Variants in ARL6 observed in about 807,000 individuals in gnomAD.
ARL6 encodes ADP-ribosylation factor-like protein 6.
A neutral mutation model predicts 27.1 loss-of-function variants in ARL6; 18 were observed. That is an observed-to-expected ratio of 0.66 (90% CI 0.46 to 0.98). ARL6 has a LOEUF of 0.98. Ranked by LOEUF, ARL6 falls within the 50% of genes least tolerant of loss-of-function variation. ARL6 has a pLI of 0.00. For missense variants in ARL6, 187 were observed against 214.9 expected (o/e 0.87, Z 0.81); for synonymous variants, 65 against 72.3 (o/e 0.90, Z 0.51).
intron 4 of ARL6, among the ~76,000 whole-genome samples, chr3:97,782,791 ATATT>A (rs1414918262): frequency 2.6e-5 from 4 of 151,266 alleles, no homozygotes; most frequent in African/African-American, 9.7e-5. Context: ...GTTACTATAA[ATATT>A]TATCTTTGCT....
At chr3:97,778,238 G>A (rs954525078) in intron 2 of ARL6, among the ~76,000 whole-genome samples, 4 of 152,040 alleles carry the variant, frequency 2.6e-5, no homozygotes, top group Non-Finnish European at 4.4e-5. Context: ...TATGAGGCAG[G>A]AATCTTAGTG....
intron 7 of ARL6, among the ~76,000 whole-genome samples, chr3:97,797,543 T>C (rs1162001592): frequency 1.3e-5 from 2 of 152,100 alleles, no homozygotes; most frequent in Non-Finnish European, 1.5e-5. Context: ...TCATATTACA[T>C]TGAAGGAAAT....
At chr3:97,795,782 T>G (rs2037971331) in intron 7 of ARL6, among the ~76,000 whole-genome samples, 1 of 152,162 alleles carries the variant, frequency 6.6e-6, no homozygotes, top group South Asian at 2.1e-4. Context: ...AATTGAAGGT[T>G]TATTCTCTGC....
intron 7 of ARL6, among the ~76,000 whole-genome samples, chr3:97,795,144 C>T (rs775917409): frequency 2.6e-5 from 4 of 152,142 alleles, no homozygotes; most frequent in African/African-American, 4.8e-5. Flanking sequence ...CATGTAATGG[C>T]ACGATTCTGT....
At chr3:97,792,302 G>A (rs1301279273) in intron 7 of ARL6, among the ~76,000 whole-genome samples, 1 of 152,166 alleles carries the variant, frequency 6.6e-6, no homozygotes, top group African/African-American at 2.4e-5. Flanking sequence ...GGCCAACATG[G>A]TGAAACCCTG....
intron 5 of ARL6, 124 bp from the exon 6 acceptor site, chr3:97,787,866 T>A (rs2037532938): frequency 1.0e-6 from 1 of 955,482 alleles, no homozygotes; most frequent in African/African-American, 1.6e-5. Flanking sequence ...CTTTAAATGT[T>A]TCTGTGTGTG....
chr3:97,786,613 T>TA (rs1461507424), intron 5 of ARL6, among the ~76,000 whole-genome samples: 9 of 152,080 alleles, frequency 5.9e-5, no homozygotes, highest in East Asian at 1.9e-4. Context: ...ATGAACTTTT[T>TA]AAAAAAATTG....
At chr3:97,774,982 G>A (rs550165171) in intron 2 of ARL6, among the ~76,000 whole-genome samples, 6 of 152,210 alleles carry the variant, frequency 3.9e-5, no homozygotes, top group East Asian at 1.9e-4. Flanking sequence ...ACTACTTACC[G>A]CTCACGAGCA....
chr3:97,796,683 A>G (rs1200925534), intron 7 of ARL6, among the ~76,000 whole-genome samples: 6 of 152,164 alleles, frequency 3.9e-5, no homozygotes. Flanking sequence ...TGCTGCAAAC[A>G]GTGGAAGATT....
chr3:97,780,738 T>C (rs1006463087), intron 4 of ARL6, 55 bp downstream of exon 4: 5 of 1,365,682 alleles, frequency 3.7e-6, no homozygotes, highest in Non-Finnish European at 5.2e-6. Flanking sequence ...ATAATAATGA[T>C]TAGAAATCCA....
chr3:97,785,172 A>C, intron 5 of ARL6, 123 bp downstream of exon 5: 1 of 675,752 alleles, frequency 1.5e-6, no homozygotes, highest in South Asian at 2.1e-5. Context: ...AATTTAAAAC[A>C]TATATGTTAT....
At chr3:97,792,745 A>G (rs1317279355) in intron 7 of ARL6, among the ~76,000 whole-genome samples, 1 of 152,212 alleles carries the variant, frequency 6.6e-6, no homozygotes, top group African/African-American at 2.4e-5. Context: ...CACACAGAGC[A>G]GTAGATAGTT....
At chr3:97,791,735 A>G (rs373166315) in intron 6 of ARL6, 36 bp from the exon 7 acceptor site, 55 of 1,596,474 alleles carry the variant, frequency 3.4e-5, no homozygotes, top group Non-Finnish European at 5.2e-6. Flanking sequence ...TTGTGATGTA[A>G]TGAGATGGCT....
At position 97,780,761 on chromosome 3, in the gene ARL6, G is replaced by T. The variant is rs80034368; in HGVS notation, c.254+78G>T. 353 of 1,170,914 alleles carry T rather than the reference G, an allele frequency of 3.0e-4. 2 individuals are homozygous for T. The East Asian group carries it at 6.7e-3, about 22-fold the overall frequency. The allele number at this position is 1,170,914 out of a possible 1,614,324, so 72.5% of individuals were successfully genotyped here. A position where few individuals can be genotyped will look rare whatever the true frequency, so the allele number is the denominator to read the frequency against. On this transcript the variant is annotated intron_variant, in intron 4 of 7. Transcript: ENST00000463745. ...GATTAGAAATCCAAAGAATTATATG[G>T]CTAGGTTGTTTGGCTTTTTTTTTTC...
intron 1 of ARL6, chr3:97,766,006 T>G (rs952505968): frequency 1.3e-5 from 2 of 152,240 alleles, no homozygotes; most frequent in Non-Finnish European, 2.9e-5. Context: ...CTGCCTGCTC[T>G]TCTAAATTGT....
Position 97,800,809 on chromosome 3 carries a change from G to C in ARL6, c.*2760G>C, listed in dbSNP as rs1325133341. 1 of 152,114 alleles carries C rather than the reference G, an allele frequency of 6.6e-6. No homozygotes were observed. The highest frequency in any genetic ancestry group is 6.5e-5 in the Admixed American group (1 of 15,268). 9.4% of individuals were successfully genotyped at this position (152,114 alleles called of 1,614,324 possible). On this transcript the variant is annotated 3_prime_UTR_variant, in exon 8 of 8. Transcript: ENST00000463745. Reference sequence around the variant, plus strand: ...GAGATCAGATTACCAGCATGGTTGGGTTCTGGTGAGAGCCGTCTTGGTTGC... The same window carrying C: ...GAGATCAGATTACCAGCATGGTTGGCTTCTGGTGAGAGCCGTCTTGGTTGC...
rs1382921083 is a variant in ARL6, at chr3:97,784,995, AG to A, written c.296del (p.Arg99AsnfsTer2). On this transcript the variant is annotated frameshift_variant, in exon 5 of 8. Transcript: ENST00000463745. LOFTEE classifies it high-confidence loss of function. The stretch of plus-strand genomic sequence containing the variant: ...TATTTTTGTCATTGATAGTAGTGAT[AG>A]ATTAAGAATGGTTGTGGCCAAAGAA... ...AIIFVIDSSD[R>X]LRMVVAKEEL... 2 of 1,612,898 alleles carry A rather than the reference AG, an allele frequency of 1.2e-6. No homozygotes were observed. The highest frequency in any genetic ancestry group is 4.5e-5 in the East Asian group (2 of 44,728).
intron 2 of ARL6, among the ~76,000 whole-genome samples, chr3:97,779,608 T>A (rs2037082276): frequency 6.6e-6 from 1 of 152,200 alleles, no homozygotes; most frequent in Non-Finnish European, 1.5e-5. Flanking sequence ...GGCTCACTCC[T>A]GTAATCCCAG....
At chr3:97,791,186 T>C (rs2037716937) in intron 6 of ARL6, 2 of 152,914 alleles carry the variant, frequency 1.3e-5, no homozygotes, top group Non-Finnish European at 2.9e-5. Flanking sequence ...CCATATGAGG[T>C]CAATGATACT....
Sources: gnomAD v4.1 joint callset for allele counts (sites outside exome capture counted in the v4.1 genomes callset) on GRCh38, gnomAD v4.1.1 for gene constraint, MANE v1.5 for transcripts, NCBI Gene and HGNC (gene_info 2026-07-23, HGNC 2026-07-21) for gene names.